Variants in KLHDC1 observed in about 807,000 individuals in gnomAD.
KLHDC1 encodes the protein kelch domain containing 1.
A neutral mutation model predicts 68.3 loss-of-function variants in KLHDC1; 53 were observed. The observed-to-expected ratio is 0.78, with a 90% CI of 0.62 to 0.98. The LOEUF (loss-of-function observed/expected upper bound fraction) is 0.98. KLHDC1 is among the 50% of genes least tolerant of loss of function. The probability of loss-of-function intolerance (pLI) is 0.00; values close to 1 mark genes in which losing one functional copy is unlikely to be tolerated. For missense variants in KLHDC1, 470 were observed against 492.3 expected (o/e 0.95, Z 0.43); for synonymous variants, 148 against 159.0 (o/e 0.93, Z 0.52).
chr14:49,748,881 AC>A (rs1170762850), intron 12 of KLHDC1, among the ~76,000 whole-genome samples: 1 of 151,552 alleles, frequency 6.6e-6, no homozygotes, highest in African/African-American at 2.4e-5. Flanking sequence ...GCTCACTGCA[AC>A]CTCCGCCTCC....
At position 49,693,220 on chromosome 14, in the gene KLHDC1, T is replaced by C. The variant is rs1232123037; in HGVS notation, c.26T>C (p.Val9Ala). Residue 9 changes from valine to alanine, a missense_variant, in exon 1 of 13, where the codon GTG becomes GCG. Coordinates refer to ENST00000359332, the MANE Select transcript of KLHDC1 (RefSeq NM_172193.3). Reference sequence around the variant, plus strand: ...ATGGCGGACTCTCAGCTGTTCTGTGTGGCGGAGGAACGCAGCGGCCACTGC... The same window carrying C: ...ATGGCGGACTCTCAGCTGTTCTGTGCGGCGGAGGAACGCAGCGGCCACTGC... The part of the protein sequence containing the change: MADSQLFC[V>A]AEERSGHCAV... 8.2e-6 allele frequency: 13 copies of C among 1,577,970 alleles called. No individual in the cohort carries two copies. The highest frequency in any genetic ancestry group is 9.4e-6 in the Non-Finnish European group (11 of 1,164,100).
intron 5 of KLHDC1, 25 bp from the exon 6 acceptor site, chr14:49,725,661 G>T: frequency 1.0e-6 from 1 of 965,042 alleles, no homozygotes; most frequent in South Asian, 1.5e-5. Context: ...AAAGCTTTGA[G>T]ATATTTAAAA....
chr14:49,728,339 C>A (rs1476834177), intron 6 of KLHDC1, among the ~76,000 whole-genome samples: 1 of 152,114 alleles, frequency 6.6e-6, no homozygotes, highest in Non-Finnish European at 1.5e-5. Flanking sequence ...AAAAACAAAA[C>A]TTCTCTAAAG....
chr14:49,741,050 T>A (rs1416039623), intron 11 of KLHDC1, among the ~76,000 whole-genome samples: 1 of 152,122 alleles, frequency 6.6e-6, no homozygotes, highest in Admixed American at 6.5e-5. Context: ...ACCAAGATCA[T>A]GCCATTGTAC....
At chr14:49,708,973 C>T (rs1888130011) in intron 1 of KLHDC1, among the ~76,000 whole-genome samples, 186 bp from the exon 2 acceptor site, 1 of 151,772 alleles carries the variant, frequency 6.6e-6, no homozygotes, top group Non-Finnish European at 1.5e-5. Context: ...TTATTGTTTT[C>T]CCACTTTCTC....
At position 49,732,799 on chromosome 14, in the gene KLHDC1, C is replaced by T. The variant is rs767166007; in HGVS notation, c.806C>T (p.Ala269Val). The change falls in exon 9 of 13, where the codon GCA (alanine) becomes GTA (valine). Residue 269 changes from alanine to valine, a missense_variant. Ala to Val is a moderately conservative substitution (Grantham distance 64, BLOSUM62 0). Coordinates refer to ENST00000359332, the MANE Select transcript of KLHDC1 (RefSeq NM_172193.3). The stretch of plus-strand genomic sequence containing the variant: ...CTTTTCCTATGTGGTGGACTAAGTG[C>T]AGATAATATCCCATTAAGTAAGTTG... ...DKLFLCGGLS[A>V]DNIPLSDGWI... The T allele has an allele frequency of 1.3e-6, 2 of 1,516,226 alleles. No homozygotes were observed. Among genetic ancestry groups the T allele is most frequent in the Admixed American group, 3.3e-5 (2 of 59,706 alleles). 93.9% of individuals were successfully genotyped at this position (1,516,226 alleles called of 1,614,324 possible).
In KLHDC1 at chr14:49,723,360, C is replaced by G. The variant is rs368598000; in HGVS notation, c.405-514C>G. 5.2e-3 allele frequency among the ~76,000 whole-genome samples: 780 copies of G among 151,450 alleles called. 3 individuals carry two copies. Among genetic ancestry groups the G allele is most frequent in the African/African-American group, 0.016 (677 of 41,278 alleles). On this transcript the variant is annotated intron_variant, in intron 4 of 12. Transcript: ENST00000359332. ...CCAGCTTGGGCAATATGGTGAAACC[C>G]CATCTCTACAAAAATACAAAAATTA...
intron 1 of KLHDC1, among the ~76,000 whole-genome samples, chr14:49,704,700 C>T (rs187627012): frequency 6.6e-6 from 1 of 152,052 alleles, no homozygotes; most frequent in East Asian, 1.9e-4. Flanking sequence ...CTGGCCTTGT[C>T]AAACATATTC....
At chr14:49,718,741 G>A (rs1159342553) in intron 4 of KLHDC1, among the ~76,000 whole-genome samples, 1 of 105,294 alleles carries the variant, frequency 9.5e-6, no homozygotes, top group African/African-American at 3.6e-5. Flanking sequence ...CTTTTGTTTT[G>A]TTGTTTTTCT....
intron 6 of KLHDC1, among the ~76,000 whole-genome samples, chr14:49,726,705 G>T (rs540578846): frequency 6.6e-6 from 1 of 152,116 alleles, no homozygotes; most frequent in East Asian, 1.9e-4. Flanking sequence ...TCACATAGCT[G>T]GAAATCATAT....
rs1285158929 is a variant in KLHDC1 at position 49,713,876 on chromosome 14, A to G, written c.404+3495A>G. Among the ~76,000 whole-genome samples, 7 of 78,980 alleles carry G rather than the reference A, an allele frequency of 8.9e-5. No individual in the cohort carries two copies. The Admixed American group carries it at 9.4e-4, about 11-fold the overall frequency. 51.8% of individuals were successfully genotyped at this position (78,980 alleles called of 152,430 possible). A position where few individuals can be genotyped will look rare whatever the true frequency, so the allele number is the denominator to read the frequency against. On this transcript the variant is annotated intron_variant, in intron 4 of 12. Coordinates refer to ENST00000359332, the MANE Select transcript of KLHDC1 (RefSeq NM_172193.3). ...TTTTTTTTTTTTTTTTTCCTGAGAC[A>G]GAGTCTCACTCTGTCACCCAGGCTG...
rs550655929 is a variant in KLHDC1, at chr14:49,752,757, A to G, written c.*985A>G. On this transcript the variant is annotated 3_prime_UTR_variant, in exon 13 of 13. Transcript: ENST00000359332. ...ACACTGTATCTTTATATTCCTAAAA[A>G]TGGTACTTTTGGCATAATTAAGAAA... is the stretch of plus-strand genomic sequence containing the variant. 1 of 152,092 alleles carries G rather than the reference A, an allele frequency of 6.6e-6. No individual in the cohort carries two copies. 9.4% of individuals were successfully genotyped at this position (152,092 alleles called of 1,614,324 possible). A position where few individuals can be genotyped will look rare whatever the true frequency, so the allele number is the denominator to read the frequency against.
chr14:49,721,956 TCTC>T (rs749346825), intron 4 of KLHDC1, among the ~76,000 whole-genome samples: 22 of 152,152 alleles, frequency 1.4e-4, no homozygotes, highest in Non-Finnish European at 2.8e-4. Flanking sequence ...TTCTTTCAGA[TCTC>T]CTGTTTGCAT....
At chr14:49,736,520 T>C (rs904566837) in intron 10 of KLHDC1, among the ~76,000 whole-genome samples, 2 of 152,136 alleles carry the variant, frequency 1.3e-5, no homozygotes, top group Admixed American at 6.6e-5. Flanking sequence ...TGGGATACAG[T>C]TGAGTGTAAG....
In KLHDC1 at chr14:49,711,233, G is replaced by A. The variant is rs902602379; in HGVS notation, c.404+852G>A. On this transcript the variant is annotated intron_variant, in intron 4 of 12. Transcript: ENST00000359332. The stretch of plus-strand genomic sequence containing the variant: ...TTATTTATTTTTGTGACAGAGTCTC[G>A]CTCTGTCGCCTAGGCTGGAGCGCAG... Among the ~76,000 whole-genome samples, 7 of 151,514 alleles carry A rather than the reference G, an allele frequency of 4.6e-5. No homozygotes were observed. The East Asian group carries it at 5.8e-4, about 13-fold the overall frequency.
intron 1 of KLHDC1, among the ~76,000 whole-genome samples, chr14:49,693,748 C>CTTTTCTTTTTTTTTT (rs1887645359): frequency 1.6e-5 from 1 of 61,540 alleles, no homozygotes; most frequent in Non-Finnish European, 3.4e-5. Flanking sequence ...TTTTCTTTTT[C>CTTTTCTTTTTTTTTT]TTTTTTTTTT....
intron 11 of KLHDC1, among the ~76,000 whole-genome samples, chr14:49,743,061 GACCCT>G: frequency 9.5e-6 from 1 of 105,420 alleles, no homozygotes; most frequent in East Asian, 3.0e-4. Flanking sequence ...AAGAGAGCCA[GACCCT>G]GTCTCCAAAA....
At chr14:49,744,292 ATGTGTGTGTG>A (rs36219162) in intron 12 of KLHDC1, among the ~76,000 whole-genome samples, 15,995 of 150,558 alleles carry the variant, frequency 0.11, 1,043 homozygotes, top group Admixed American at 0.23. Flanking sequence ...GCCTGTATAT[ATGTGTGTGTG>A]TGTGTGTGTG....
At chr14:49,703,035 C>T (rs1887951542) in intron 1 of KLHDC1, among the ~76,000 whole-genome samples, 2 of 151,962 alleles carry the variant, frequency 1.3e-5, no homozygotes, top group Admixed American at 1.3e-4. Context: ...ACTTAATATT[C>T]GTTTCTTAAA....
Sources: gnomAD v4.1 joint callset for allele counts (sites outside exome capture counted in the v4.1 genomes callset) on GRCh38, gnomAD v4.1.1 for gene constraint, MANE v1.5 for transcripts, NCBI Gene and HGNC (gene_info 2026-07-23, HGNC 2026-07-21) for gene names.